Variants in CCSER1 observed in about 807,000 individuals in gnomAD.
CCSER1 encodes the protein serine-rich coiled-coil domain-containing protein 1.
Under a neutral mutation model 82.0 loss-of-function variants are expected in CCSER1, and 41 were observed. That is an observed-to-expected ratio of 0.50 (90% CI 0.39 to 0.65). The LOEUF is 0.65. Ranked by LOEUF, CCSER1 falls within the 30% of genes least tolerant of loss-of-function variation. The pLI, the probability that CCSER1 is intolerant of heterozygous loss-of-function variation, is 0.00. For synonymous variants in CCSER1, 414 were observed against 383.9 expected, an observed-to-expected ratio of 1.08 and a Z score of -0.92; for missense variants, 1,119 against 1,064.2, an observed-to-expected ratio of 1.05 and a Z score of -0.72.
At chr4:90,516,040 A>G (rs1772217824) in intron 5 of CCSER1, among the ~76,000 whole-genome samples, 1 of 152,180 alleles carries the variant, frequency 6.6e-6, no homozygotes, top group South Asian at 2.1e-4. Flanking sequence ...CAGAAATATA[A>G]TTTGCACGTG....
intron 10 of CCSER1, among the ~76,000 whole-genome samples, chr4:91,293,229 G>A (rs1217663152): frequency 1.3e-5 from 2 of 151,744 alleles, no homozygotes; most frequent in Non-Finnish European, 2.9e-5. Flanking sequence ...TTGTTGTACC[G>A]GCCAACTGTC....
intron 10 of CCSER1, among the ~76,000 whole-genome samples, chr4:91,433,681 A>G (rs1456502054): frequency 1.3e-5 from 2 of 152,226 alleles, no homozygotes; most frequent in Admixed American, 6.5e-5. Context: ...GGGCTGTACC[A>G]TAGAGCATAG....
chr4:90,296,794 G>A (rs1732042073), intron 1 of CCSER1, among the ~76,000 whole-genome samples: 1 of 152,170 alleles, frequency 6.6e-6, no homozygotes, highest in Admixed American at 6.6e-5. Flanking sequence ...TCAAAGATCA[G>A]ATAGTTGTAG....
chr4:91,505,450 G>T (rs1397713471), intron 10 of CCSER1, among the ~76,000 whole-genome samples: 4 of 152,166 alleles, frequency 2.6e-5, no homozygotes, highest in African/African-American at 9.6e-5. Flanking sequence ...ATTCCTTTGG[G>T]TATATACCCA....
At chr4:90,802,905 T>G (rs1480156197) in intron 7 of CCSER1, among the ~76,000 whole-genome samples, 1 of 152,192 alleles carries the variant, frequency 6.6e-6, no homozygotes, top group Non-Finnish European at 1.5e-5. Context: ...TCTTCTTTTT[T>G]TTTTTCACTT....
At chr4:90,336,604 G>T (rs183767190) in intron 3 of CCSER1, among the ~76,000 whole-genome samples, 1 of 152,248 alleles carries the variant, frequency 6.6e-6, no homozygotes, top group East Asian at 1.9e-4. Flanking sequence ...CATTATGTGA[G>T]AAGAACTACA....
At position 90,369,674 on chromosome 4, in the gene CCSER1, A is replaced by G. The variant is rs1747033080; in HGVS notation, c.1510-30362A>G. 2.0e-5 allele frequency among the ~76,000 whole-genome samples: 3 copies of G among 151,982 alleles called. No individual in the cohort carries two copies. In the South Asian group the frequency reaches 6.3e-4, roughly 32 times the overall value. On this transcript the variant is annotated intron_variant, in intron 3 of 10. Coordinates refer to ENST00000509176, the MANE Select transcript of CCSER1 (RefSeq NM_001145065.2). ...ATAAATGTATCTATTAAGACATCAC[A>G]GGAGAAAACTACATGATCTTACAGA...
At position 91,387,173 on chromosome 4, in the gene CCSER1, C is replaced by A. The variant is rs1369317669; in HGVS notation, c.2218-211399C>A. Among the ~76,000 whole-genome samples, 12 of 151,628 alleles carry A rather than the reference C, an allele frequency of 7.9e-5. No homozygotes were observed. The East Asian group carries it at 2.1e-3, about 27-fold the overall frequency. Reference sequence around the variant, plus strand: ...GGATGCCCTTGTTTATAAATATATACCAAAATATTTATTATTTAGGGATAA... The same window carrying A: ...GGATGCCCTTGTTTATAAATATATAACAAAATATTTATTATTTAGGGATAA... On this transcript the variant is annotated intron_variant, in intron 10 of 10. Coordinates refer to ENST00000509176, the MANE Select transcript of CCSER1 (RefSeq NM_001145065.2).
intron 10 of CCSER1, among the ~76,000 whole-genome samples, chr4:91,385,654 G>T (rs1335846665): frequency 6.6e-6 from 1 of 150,834 alleles, no homozygotes; most frequent in African/African-American, 2.4e-5. Flanking sequence ...AAAAAAAAAA[G>T]CTTAATTTTT....
At chr4:90,492,114 C>G (rs139239007) in intron 5 of CCSER1, among the ~76,000 whole-genome samples, 4,031 of 152,196 alleles carry the variant, frequency 0.026, 188 homozygotes, top group African/African-American at 0.092. Context: ...CCTTGTACCT[C>G]TGGTAGAATT....
intron 1 of CCSER1, among the ~76,000 whole-genome samples, chr4:90,302,159 C>G (rs1402771476): frequency 1.3e-5 from 2 of 152,070 alleles, no homozygotes; most frequent in Non-Finnish European, 2.9e-5. Context: ...TTTTTAAAAT[C>G]TATGTATTCT....
At chr4:90,610,546 A>C (rs1785331988) in intron 5 of CCSER1, among the ~76,000 whole-genome samples, 1 of 152,092 alleles carries the variant, frequency 6.6e-6, no homozygotes, top group Non-Finnish European at 1.5e-5. Flanking sequence ...CTGACATCTG[A>C]CAGTGAGGCC....
rs189944311 is a variant in CCSER1 at position 90,599,736 on chromosome 4, C to G, written c.1725-28289C>G. Among the ~76,000 whole-genome samples, 498 of 152,242 alleles carry G rather than the reference C, an allele frequency of 3.3e-3. 3 individuals are homozygous for G. Among genetic ancestry groups the G allele is most frequent in the Non-Finnish European group, 2.7e-3 (185 of 68,016 alleles). ...ACTCTGGCACTCCTCTTTAGTTACTCAGGTCAAAATGCAGCTGCTTATTCA... is the reference window on the plus strand; with the variant it reads ...ACTCTGGCACTCCTCTTTAGTTACTGAGGTCAAAATGCAGCTGCTTATTCA... On this transcript the variant is annotated intron_variant, in intron 5 of 10. Transcript: ENST00000509176.
rs539144370 is a variant in CCSER1, at chr4:91,390,182, A to G, written c.2218-208390A>G. Among the ~76,000 whole-genome samples the G allele has an allele frequency of 2.2e-4, 33 of 151,102 alleles. No homozygotes were observed. The East Asian group carries it at 6.3e-3, about 29-fold the overall frequency. On this transcript the variant is annotated intron_variant, in intron 10 of 10. Coordinates refer to ENST00000509176, the MANE Select transcript of CCSER1 (RefSeq NM_001145065.2). ...TAGGTTTTTTGTAGATTTTTAAAAA[A>G]CTCAATTTGAGGAAGTTTTCCTATT...
At chr4:90,165,252 G>C (rs187060582) in intron 1 of CCSER1, among the ~76,000 whole-genome samples, 153 of 152,184 alleles carry the variant, frequency 1.0e-3, no homozygotes, top group African/African-American at 2.8e-3. Context: ...ATGAAGGACT[G>C]TGTGCTTTAA....
intron 9 of CCSER1, among the ~76,000 whole-genome samples, chr4:90,949,173 T>C (rs1394730938): frequency 1.3e-5 from 2 of 152,114 alleles, no homozygotes; most frequent in Non-Finnish European, 2.9e-5. Context: ...ATGTTCTGTT[T>C]ACTCTTCTGC....
At chr4:91,083,549 A>G (rs931890803) in intron 9 of CCSER1, among the ~76,000 whole-genome samples, 1 of 152,214 alleles carries the variant, frequency 6.6e-6, no homozygotes, top group Non-Finnish European at 1.5e-5. Context: ...CTAGAACTTA[A>G]CGTAAAATAA....
At chr4:91,325,541 A>T (rs2149270445) in intron 10 of CCSER1, among the ~76,000 whole-genome samples, 1 of 152,314 alleles carries the variant, frequency 6.6e-6, no homozygotes, top group African/African-American at 2.4e-5. Context: ...AGACCAAATC[A>T]ACATAAGCTT....
intron 10 of CCSER1, among the ~76,000 whole-genome samples, chr4:91,582,234 T>C (rs1454191304): frequency 6.6e-6 from 1 of 151,528 alleles, no homozygotes; most frequent in Non-Finnish European, 1.5e-5. Context: ...CAGAAACCAC[T>C]TTCTATAAGG....
Sources: allele counts gnomAD v4.1 joint callset (sites outside exome capture counted in the v4.1 genomes callset), GRCh38; gene constraint gnomAD v4.1.1; transcripts MANE v1.5; gene names NCBI Gene and HGNC (gene_info 2026-07-23, HGNC 2026-07-21).